PRKG1: variants seen among roughly 807,000 people sequenced by gnomAD.
PRKG1 encodes the protein protein kinase cGMP-dependent 1, also known as cGMP-dependent protein kinase 1.
PRKG1 carries 35 observed loss-of-function variants against 88.1 expected under a neutral mutation model. That is an observed-to-expected ratio of 0.40 (90% confidence interval 0.30 to 0.53). The LOEUF (loss-of-function observed/expected upper bound fraction) is 0.53. Ranked by LOEUF, PRKG1 falls within the 20% of genes least tolerant of loss-of-function variation. The pLI, the probability that PRKG1 is intolerant of heterozygous loss-of-function variation, is 0.59. For synonymous variants in PRKG1, 303 were observed against 292.5 expected (o/e 1.04, Z -0.37); for missense variants, 540 against 839.8 (o/e 0.64, Z 4.41).
chr10:51,665,201 T>C (rs1025244780), intron 3 of PRKG1, among the ~76,000 whole-genome samples: 3 of 152,132 alleles, frequency 2.0e-5, no homozygotes, highest in African/African-American at 7.2e-5. Context: ...CAAATAAAAA[T>C]CTAAATTGCA....
At chr10:51,699,313 C>G in intron 3 of PRKG1, 2 of 1,614,130 alleles carry the variant, frequency 1.2e-6, no homozygotes, top group Non-Finnish European at 8.5e-7. Flanking sequence ...TGAACTCCCG[C>G]CCATTGAGGT....
chr10:52,175,453 A>G lies in PRKG1; in HGVS notation c.1076+13490A>G, dbSNP rs569235703. On this transcript the variant is annotated intron_variant, in intron 9 of 17. Coordinates refer to ENST00000373980, the MANE Select transcript of PRKG1 (RefSeq NM_006258.4). ...TATTGTGAATAGTACTGCAATAAAC[A>G]TGGGGAGACAGATGTCTCTTCAATA... Among the ~76,000 whole-genome samples, 7 of 152,252 alleles carry G rather than the reference A, an allele frequency of 4.6e-5. No homozygotes were observed. In the East Asian group the frequency reaches 9.7e-4, roughly 21 times the overall value.
intron 7 of PRKG1, 91 bp from the exon 8 acceptor site, chr10:52,133,749 T>C: frequency 1.9e-6 from 2 of 1,065,600 alleles, no homozygotes; most frequent in Non-Finnish European, 2.8e-6. Flanking sequence ...AGAGTTTATA[T>C]AATGTAAATT....
chr10:51,304,451 GA>G (rs910533756), intron 2 of PRKG1, among the ~76,000 whole-genome samples: 1 of 151,942 alleles, frequency 6.6e-6, no homozygotes, highest in African/African-American at 2.4e-5. Flanking sequence ...TTTCTGATAA[GA>G]CCCAGAGACA....
intron 3 of PRKG1, among the ~76,000 whole-genome samples, chr10:51,490,862 G>A (rs139925365): frequency 1.2e-4 from 19 of 152,096 alleles, no homozygotes; most frequent in African/African-American, 4.6e-4. Context: ...CTCATTTCTG[G>A]GATTTCTAGG....
chr10:51,837,928 T>A (rs1002385449), intron 4 of PRKG1, among the ~76,000 whole-genome samples: 4 of 152,152 alleles, frequency 2.6e-5, no homozygotes, highest in Non-Finnish European at 4.4e-5. Context: ...TGGGCTATCA[T>A]AGTAGAGAGA....
chr10:52,252,213 G>A (rs1311829075), intron 10 of PRKG1: 1 of 152,398 alleles, frequency 6.6e-6, no homozygotes, highest in Non-Finnish European at 1.5e-5. Context: ...GTATACATAT[G>A]TATACACATA....
intron 2 of PRKG1, among the ~76,000 whole-genome samples, chr10:51,361,784 C>A (rs1245547570): frequency 6.6e-6 from 1 of 151,694 alleles, no homozygotes; most frequent in Admixed American, 6.6e-5. Context: ...ATTATTATTA[C>A]CTATGTTGGA....
chr10:52,166,839 G>GTACATATATATGTATATATATGTATA (rs1838477509), intron 9 of PRKG1, among the ~76,000 whole-genome samples: 1 of 90,484 alleles, frequency 1.1e-5, no homozygotes, highest in Non-Finnish European at 2.0e-5. Flanking sequence ...GTATATATAT[G>GTACATATATATGTATATATATGTATA]TATATATATG....
intron 3 of PRKG1, among the ~76,000 whole-genome samples, chr10:51,578,566 T>C (rs186368482): frequency 2.0e-5 from 3 of 152,236 alleles, no homozygotes; most frequent in African/African-American, 7.2e-5. Flanking sequence ...GTCTGTCTTC[T>C]CACAGGGCCA....
chr10:52,280,669 G>A, intron 12 of PRKG1, 120 bp from the exon 13 acceptor site: 1 of 1,045,626 alleles, frequency 9.6e-7, no homozygotes, highest in Non-Finnish European at 1.4e-6. Flanking sequence ...TTAGCTAGCA[G>A]GACAGTGATC....
At chr10:51,771,867 A>T (rs1227477861) in intron 3 of PRKG1, among the ~76,000 whole-genome samples, 1 of 152,126 alleles carries the variant, frequency 6.6e-6, no homozygotes, top group Admixed American at 6.6e-5. Flanking sequence ...TGGTACTCTA[A>T]ATATACGTAT....
At chr10:52,144,609 G>A (rs527269226) in intron 8 of PRKG1, among the ~76,000 whole-genome samples, 1 of 152,054 alleles carries the variant, frequency 6.6e-6, no homozygotes, top group Non-Finnish European at 1.5e-5. Context: ...TCAGGAGTTC[G>A]AGACCAGCCT....
intron 2 of PRKG1, among the ~76,000 whole-genome samples, chr10:51,341,492 C>T (rs77137452): frequency 2.9e-4 from 44 of 152,274 alleles, no homozygotes; most frequent in African/African-American, 1.0e-3. Context: ...TTAAGGATCC[C>T]TAACTTCTCT....
chr10:51,561,495 A>G (rs1303361607), intron 3 of PRKG1, among the ~76,000 whole-genome samples: 1 of 152,124 alleles, frequency 6.6e-6, no homozygotes, highest in East Asian at 1.9e-4. Flanking sequence ...GACACACATT[A>G]TGTTCCATCC....
At chr10:51,995,898 G>A (rs1844426949) in intron 5 of PRKG1, among the ~76,000 whole-genome samples, 1 of 152,148 alleles carries the variant, frequency 6.6e-6, no homozygotes, top group African/African-American at 2.4e-5. Context: ...CAGGACATTG[G>A]TCTGGGTGGT....
intron 3 of PRKG1, among the ~76,000 whole-genome samples, chr10:51,770,033 G>T (rs968120907): frequency 1.3e-5 from 2 of 152,140 alleles, no homozygotes; most frequent in Non-Finnish European, 2.9e-5. Flanking sequence ...ATGTCTGTAC[G>T]ACAGTTTCAT....
chr10:51,521,856 T>C (rs188504156), intron 3 of PRKG1, among the ~76,000 whole-genome samples: 29 of 152,344 alleles, frequency 1.9e-4, no homozygotes, highest in African/African-American at 6.7e-4. Flanking sequence ...TCTCTTTTTA[T>C]ACTCTTCTGC....
At chr10:51,882,016 C>T (rs1841450628) in intron 4 of PRKG1, among the ~76,000 whole-genome samples, 1 of 152,080 alleles carries the variant, frequency 6.6e-6, no homozygotes, top group Non-Finnish European at 1.5e-5. Flanking sequence ...ATGATGAAAT[C>T]CATGAGGATG....
Sources: gnomAD v4.1 joint callset for allele counts (sites outside exome capture counted in the v4.1 genomes callset) on GRCh38, gnomAD v4.1.1 for gene constraint, MANE v1.5 for transcripts, NCBI Gene and HGNC (gene_info 2026-07-23, HGNC 2026-07-21) for gene names.